RGR: variants seen among roughly 807,000 people sequenced by gnomAD.
RGR encodes RPE-retinal G protein-coupled receptor.
In RGR, 30 loss-of-function variants were observed where a neutral mutation model predicts 28.6. The observed-to-expected ratio is 1.05, with a 90% CI of 0.78 to 1.42. The LOEUF (loss-of-function observed/expected upper bound fraction) is 1.42, where lower values mean the gene tolerates loss of function less well. Ranked by LOEUF, RGR falls within the 40% of genes most tolerant of loss-of-function variation. The pLI is 0.00. For missense variants in RGR, 404 were observed against 375.6 expected (o/e 1.08, Z -0.62); for synonymous variants, 180 against 156.4 (o/e 1.15, Z -1.13).
At chr10:84,247,434 T>C (rs1368384972) in intron 1 of RGR, among the ~76,000 whole-genome samples, 157 bp from the exon 2 acceptor site, 1 of 152,112 alleles carries the variant, frequency 6.6e-6, no homozygotes, top group Non-Finnish European at 1.5e-5. Flanking sequence ...CAGCTGTCAG[T>C]GATTATGACT....
intron 3 of RGR, chr10:84,250,711 C>G: frequency 2.4e-6 from 1 of 408,808 alleles, no homozygotes; most frequent in Non-Finnish European, 4.5e-6. Flanking sequence ...TTCATCTACT[C>G]CATCCCTGGG....
At position 84,252,855 on chromosome 10, in the gene RGR, A is replaced by G; in HGVS notation, c.359-2A>G. The G allele has an allele frequency of 6.2e-7, 1 of 1,614,094 alleles. No individual in the cohort carries two copies. The highest frequency in any genetic ancestry group is 1.1e-5 in the South Asian group (1 of 91,084). On this transcript the variant is annotated splice_acceptor_variant, in intron 3 of 6. Transcript: ENST00000652092. LOFTEE classifies it high-confidence loss of function. ...CTCCTCTTCTTCCTCTGTCCTGTGC[A>G]GGTAGCCAGCTGGCCTGGAACTCAG...
chr10:84,251,425 G>A (rs1842816949), intron 3 of RGR, among the ~76,000 whole-genome samples: 1 of 152,176 alleles, frequency 6.6e-6, no homozygotes. Context: ...TTCAGGCTGG[G>A]AAGTCCAAAT....
chr10:84,247,357 TAAA>T (rs1365117900), intron 1 of RGR, among the ~76,000 whole-genome samples: 3 of 152,150 alleles, frequency 2.0e-5, no homozygotes, highest in African/African-American at 7.2e-5. Context: ...AGTATCCAAG[TAAA>T]GATTGAATGA....
rs1410405059 is a variant in RGR, at chr10:84,247,729, C to G, written c.218C>G (p.Ala73Gly). The G allele has an allele frequency of 3.1e-6, 5 of 1,614,078 alleles. No homozygotes were observed. The highest frequency in any genetic ancestry group is 1.7e-5 in the Admixed American group (1 of 60,012). The stretch of plus-strand genomic sequence containing the variant: ...ATCAGCCTGAATGCCCTCGTTGCAG[C>G]CACATCCAGCCTTCTCCGGTACCAG... Reference protein sequence around the residue: ...SGISLNALVAATSSLLRRWPY... With the variant: ...SGISLNALVAGTSSLLRRWPY... The change falls in exon 2 of 7, where the codon GCC becomes GGC. Residue 73 changes from alanine to glycine, a missense_variant. Ala to Gly is a moderately conservative substitution (Grantham distance 60). Transcript: ENST00000652092.
rs1469391881 is a variant in RGR, at chr10:84,259,405, T to TAG, written c.*767_*768dup. ...TTCTTTTCCTTTGGGTAGATACCAGTAGTAGGACTGCTGGATCAAATGGTA... is the reference window on the plus strand; with the variant it reads ...TTCTTTTCCTTTGGGTAGATACCAGTAGAGTAGGACTGCTGGATCAAATGGTA... On this transcript the variant is annotated 3_prime_UTR_variant, in exon 7 of 7. Transcript: ENST00000652092. 8 of 152,496 alleles carry TAG rather than the reference T, an allele frequency of 5.2e-5. No homozygotes were observed. The East Asian group carries it at 1.5e-3, about 29-fold the overall frequency. The allele number at this position is 152,496 out of a possible 1,614,324, so 9.4% of individuals were successfully genotyped here. A position where few individuals can be genotyped will look rare whatever the true frequency, so the allele number is the denominator to read the frequency against.
At position 84,258,537 on chromosome 10, in the gene RGR, C is replaced by T. The variant is rs1272727087; in HGVS notation, c.774C>T (p.Pro258=). The T allele has an allele frequency of 1.9e-6, 3 of 1,614,202 alleles. No homozygotes were observed. In the South Asian group the frequency reaches 3.3e-5, roughly 18 times the overall value. Residue 258 remains proline (P), a synonymous_variant, in exon 7 of 7, where the codon CCC becomes CCT. Transcript: ENST00000652092. ...CCGCCCTCATTGCCAAAATGGTGCC[C>T]ACGATCAATGCCATCAACTATGCCC... ...MVPALIAKMV[P]TINAINYALG...
intron 2 of RGR, chr10:84,248,065 GAT>G (rs2132877567): frequency 1.8e-6 from 1 of 555,582 alleles, no homozygotes; most frequent in East Asian, 4.5e-5. Context: ...CCATAAATCG[GAT>G]ATTATTTCCT....
At chr10:84,257,136 A>G (rs10887266) in intron 5 of RGR, among the ~76,000 whole-genome samples, 49,495 of 152,154 alleles carry the variant, frequency 0.33, 9,768 homozygotes, top group African/African-American at 0.56. Context: ...AAAACAGGCA[A>G]GAACTTGAGC....
In RGR at chr10:84,254,379, T is replaced by A; in HGVS notation, c.566T>A (p.Leu189His). ...TMSFFNFAMP[L>H]FITITSYSLM... The stretch of plus-strand genomic sequence containing the variant: ...TCCTTCTTCAACTTCGCCATGCCCC[T>A]CTTCATCACGATCACTTCCTACAGT... The change falls in exon 5 of 7, where the codon CTC (leucine) becomes CAC (histidine). Residue 189 changes from leucine (L) to histidine (H), a missense_variant. By Grantham distance (99) the Leu-to-His change is moderately conservative (BLOSUM62 -3). Transcript: ENST00000652092. 6.2e-7 allele frequency: 1 copy of A among 1,614,152 alleles called. No individual in the cohort carries two copies. Among genetic ancestry groups the A allele is most frequent in the Admixed American group, 1.7e-5 (1 of 60,022 alleles).
intron 2 of RGR, chr10:84,248,428 C>G (rs1011865003): frequency 8.6e-6 from 2 of 231,648 alleles, no homozygotes; most frequent in Non-Finnish European, 8.6e-6. Flanking sequence ...GGAGCCCCCC[C>G]GGATGTGCAT....
chr10:84,250,259 C>T, intron 3 of RGR: 1 of 691,948 alleles, frequency 1.4e-6, no homozygotes, highest in Non-Finnish European at 2.7e-6. Flanking sequence ...GCCAGCACAG[C>T]CTCAAACCAT....
At position 84,249,061 on chromosome 10, in the gene RGR, T is replaced by C; in HGVS notation, c.358+18T>C. ...CTGCACCCGTATGTATCTGGGCTCC[T>C]GGAGTGGAGGGACACCGATGCAGTG... On this transcript the variant is annotated intron_variant, in intron 3 of 6. Transcript: ENST00000652092. 1 of 1,613,458 alleles carries C rather than the reference T, an allele frequency of 6.2e-7. No individual in the cohort carries two copies. Among genetic ancestry groups the C allele is most frequent in the South Asian group, 1.1e-5 (1 of 91,060 alleles).
At chr10:84,245,479 G>T (rs1842736544) in intron 1 of RGR, among the ~76,000 whole-genome samples, 1 of 152,160 alleles carries the variant, frequency 6.6e-6, no homozygotes, top group South Asian at 2.1e-4. Context: ...TGTCCCTCCA[G>T]CCGGGAGAAA....
At chr10:84,248,770 C>T in intron 2 of RGR, 152 bp from the exon 3 acceptor site, 1 of 1,414,136 alleles carries the variant, frequency 7.1e-7, no homozygotes, top group Admixed American at 1.7e-5. Flanking sequence ...GTTACTTGAG[C>T]TCCAACGCCT....
chr10:84,252,345 C>A (rs1842828899), intron 3 of RGR, among the ~76,000 whole-genome samples: 1 of 152,216 alleles, frequency 6.6e-6, no homozygotes, highest in Non-Finnish European at 1.5e-5. Flanking sequence ...CCCTATGACC[C>A]TCACCTGAAC....
chr10:84,252,877 T>A lies in RGR; in HGVS notation c.379T>A (p.Ser127Thr), dbSNP rs145786088. The A allele has an allele frequency of 6.2e-6, 10 of 1,614,048 alleles. No homozygotes were observed. The highest frequency in any genetic ancestry group is 1.3e-5 in the African/African-American group (1 of 74,922). ...YCTRSQLAWN[S>T]AVSLVLFVWL... ...TGCAGGTAGCCAGCTGGCCTGGAAC[T>A]CAGCCGTCTCTCTGGTGCTCTTCGT... Residue 127 changes from serine (S) to threonine (T), a missense_variant, in exon 4 of 7, where the codon TCA becomes ACA. Coordinates refer to ENST00000652092, the MANE Select transcript of RGR (RefSeq NM_001012720.2).
intron 2 of RGR, 70 bp from the exon 3 acceptor site, chr10:84,248,852 C>A: frequency 1.2e-6 from 2 of 1,613,334 alleles, no homozygotes; most frequent in Non-Finnish European, 1.7e-6. Context: ...ACACTCCAAG[C>A]TGTACTTGGC....
chr10:84,258,205 G>A (rs1167583693), intron 6 of RGR, among the ~76,000 whole-genome samples, 199 bp downstream of exon 6: 1 of 152,122 alleles, frequency 6.6e-6, no homozygotes, highest in East Asian at 1.9e-4. Context: ...CCAGGCTGCT[G>A]CTTGACATTG....
Sources: allele counts gnomAD v4.1 joint callset (sites outside exome capture counted in the v4.1 genomes callset), GRCh38; gene constraint gnomAD v4.1.1; transcripts MANE v1.5; gene names NCBI Gene and HGNC (gene_info 2026-07-23, HGNC 2026-07-21).